ZNF608: variants seen among roughly 807,000 people sequenced by gnomAD.
ZNF608 encodes the protein zinc finger protein 608.
In ZNF608, 12 loss-of-function variants were observed where a neutral mutation model predicts 109.0. The ratio of observed to expected loss-of-function variants is 0.11; its 90% CI spans 0.07 to 0.18. The LOEUF is 0.18. Ranked by LOEUF, ZNF608 falls within the 10% of genes least tolerant of loss-of-function variation. ZNF608 has a pLI of 1.00. For missense variants in ZNF608, 1,707 were observed against 1,879.3 expected (o/e 0.91, Z 1.70); for synonymous variants, 732 against 717.4 (o/e 1.02, Z -0.33).
At chr5:124,697,465 A>G (rs1752897097) in intron 3 of ZNF608, among the ~76,000 whole-genome samples, 1 of 152,214 alleles carries the variant, frequency 6.6e-6, no homozygotes, top group Admixed American at 6.5e-5. Context: ...ATTCTTTCCA[A>G]CATCTGTGAG....
intron 3 of ZNF608, among the ~76,000 whole-genome samples, chr5:124,684,713 T>C (rs1752333599): frequency 2.0e-5 from 3 of 152,190 alleles, no homozygotes; most frequent in Admixed American, 2.0e-4. Flanking sequence ...AGTTTTCCTT[T>C]TCCTTTTAAC....
At chr5:124,690,961 G>A (rs12656411) in intron 3 of ZNF608, among the ~76,000 whole-genome samples, 29,909 of 145,736 alleles carry the variant, frequency 0.21, 2,962 homozygotes, top group African/African-American at 0.23. Flanking sequence ...ACACATAATG[G>A]AAAAGTGTGC....
chr5:124,701,753 G>A (rs1420207685), intron 2 of ZNF608, among the ~76,000 whole-genome samples: 1 of 152,122 alleles, frequency 6.6e-6, no homozygotes, highest in East Asian at 1.9e-4. Flanking sequence ...AAATATATTA[G>A]CTTTGCTGAA....
At chr5:124,694,832 G>T (rs1282485005) in intron 3 of ZNF608, among the ~76,000 whole-genome samples, 2 of 150,504 alleles carry the variant, frequency 1.3e-5, no homozygotes, top group Admixed American at 6.7e-5. Flanking sequence ...TTGGTTTTCT[G>T]TCCTTGCGAC....
intron 3 of ZNF608, among the ~76,000 whole-genome samples, chr5:124,690,767 C>T: frequency 6.6e-6 from 1 of 151,700 alleles, no homozygotes; most frequent in East Asian, 1.9e-4. Context: ...GCAAAAATCG[C>T]CAAGTAACTA....
intron 3 of ZNF608, among the ~76,000 whole-genome samples, chr5:124,689,482 G>A (rs200578274): frequency 7.2e-4 from 99 of 137,320 alleles, no homozygotes; most frequent in Non-Finnish European, 9.7e-4. Context: ...AAAAAAAAGA[G>A]AGAGACAGAG....
chr5:124,676,597 C>T (rs1751955791), intron 3 of ZNF608, among the ~76,000 whole-genome samples: 1 of 152,042 alleles, frequency 6.6e-6, no homozygotes, highest in Non-Finnish European at 1.5e-5. Context: ...AATAGCCGCA[C>T]ACTATTTAAA....
intron 2 of ZNF608, among the ~76,000 whole-genome samples, chr5:124,728,087 G>T (rs906640922): frequency 6.6e-6 from 1 of 152,100 alleles, no homozygotes; most frequent in Admixed American, 6.5e-5. Context: ...TCCAAACACA[G>T]CTTTACAAAT....
At chr5:124,733,070 C>T (rs1206250911) in intron 2 of ZNF608, among the ~76,000 whole-genome samples, 2 of 151,880 alleles carry the variant, frequency 1.3e-5, no homozygotes, top group Non-Finnish European at 2.9e-5. Context: ...AGCATGATCA[C>T]AAAACATAAC....
At chr5:124,665,179 C>CT (rs2149807402) in intron 3 of ZNF608, among the ~76,000 whole-genome samples, 2 of 142,930 alleles carry the variant, frequency 1.4e-5, no homozygotes, top group African/African-American at 5.6e-5. Context: ...CCACCTCCCC[C>CT]CAAAAAAAAA....
intron 5 of ZNF608, among the ~76,000 whole-genome samples, chr5:124,644,871 C>T (rs962561364): frequency 8.5e-5 from 13 of 152,100 alleles, no homozygotes; most frequent in Non-Finnish European, 1.5e-4. Context: ...TTACTGATCC[C>T]CTGTACAGAA....
chr5:124,681,553 C>T (rs1159811467), intron 3 of ZNF608, among the ~76,000 whole-genome samples: 1 of 152,108 alleles, frequency 6.6e-6, no homozygotes, highest in Non-Finnish European at 1.5e-5. Context: ...TACCTTTAAA[C>T]TCCTAGGAAG....
At chr5:124,683,728 A>T (rs1312065532) in intron 3 of ZNF608, among the ~76,000 whole-genome samples, 1 of 152,192 alleles carries the variant, frequency 6.6e-6, no homozygotes, top group Non-Finnish European at 1.5e-5. Flanking sequence ...AGAAAATTCA[A>T]CTACATTTAT....
At chr5:124,719,873 T>G (rs903902259) in intron 2 of ZNF608, among the ~76,000 whole-genome samples, 2 of 152,184 alleles carry the variant, frequency 1.3e-5, no homozygotes, top group South Asian at 2.1e-4. Context: ...GAGCTGTGCT[T>G]CTTCTTCATT....
chr5:124,743,854 AAGCAGC>A (rs144751589), intron 2 of ZNF608, among the ~76,000 whole-genome samples: 23,791 of 151,250 alleles, frequency 0.16, 2,418 homozygotes, highest in East Asian at 0.5. Flanking sequence ...CTAGCATCAC[AAGCAGC>A]AGCAGCAGCA....
At chr5:124,731,138 T>C (rs1748875217) in intron 2 of ZNF608, among the ~76,000 whole-genome samples, 1 of 152,338 alleles carries the variant, frequency 6.6e-6, no homozygotes. Flanking sequence ...TGGTAAGACA[T>C]GATTTTTTTT....
chr5:124,707,251 A>G (rs1753302078), intron 2 of ZNF608, among the ~76,000 whole-genome samples: 1 of 152,182 alleles, frequency 6.6e-6, no homozygotes, highest in Non-Finnish European at 1.5e-5. Context: ...CTCCTGCTCC[A>G]CCCAGACCCA....
chr5:124,738,362 T>G lies in ZNF608; in HGVS notation c.906+5722A>C, dbSNP rs535429275. On this transcript the variant is annotated intron_variant, in intron 2 of 9. Transcript: ENST00000513986. ...ACTTCCATATAACACAGGAATGTAA[T>G]ACAAGTAATTTAGGAATAAAGTGTT... is the stretch of plus-strand genomic sequence containing the variant. Among the ~76,000 whole-genome samples, 16 of 152,342 alleles carry G rather than the reference T, an allele frequency of 1.1e-4. 1 individual carries two copies. In the East Asian group the frequency reaches 3.1e-3, roughly 29 times the overall value.
At chr5:124,643,052 G>A (rs1371208575) in intron 7 of ZNF608, among the ~76,000 whole-genome samples, 1 of 152,102 alleles carries the variant, frequency 6.6e-6, no homozygotes, top group African/African-American at 2.4e-5. Flanking sequence ...TAAAATGTCT[G>A]ATTTTTAAAA....
Sources: gnomAD v4.1 joint callset for allele counts (sites outside exome capture counted in the v4.1 genomes callset) on GRCh38, gnomAD v4.1.1 for gene constraint, MANE v1.5 for transcripts, NCBI Gene and HGNC (gene_info 2026-07-23, HGNC 2026-07-21) for gene names.